Variants in CDH12 observed in about 807,000 individuals in gnomAD.
CDH12 encodes the protein cadherin-12.
CDH12 carries 41 observed loss-of-function variants against 74.1 expected under a neutral mutation model. The observed-to-expected ratio is 0.55, with a 90% CI of 0.43 to 0.72. CDH12 has a LOEUF of 0.72. CDH12 is among the 30% of genes least tolerant of loss of function. The probability of loss-of-function intolerance (pLI) is 0.00; values close to 1 mark genes in which losing one functional copy is unlikely to be tolerated. For missense variants in CDH12, 945 were observed against 977.2 expected (o/e 0.97, Z 0.44); for synonymous variants, 399 against 355.0 (o/e 1.12, Z -1.39).
intron 1 of CDH12, among the ~76,000 whole-genome samples, chr5:22,557,531 A>C (rs1194070634): frequency 6.6e-6 from 1 of 152,106 alleles, no homozygotes; most frequent in African/African-American, 2.4e-5. Context: ...AGGCGTGGGA[A>C]GAAAGGAAAA....
intron 2 of CDH12, among the ~76,000 whole-genome samples, chr5:22,469,657 T>C (rs1273281871): frequency 6.6e-6 from 1 of 152,194 alleles, no homozygotes; most frequent in Non-Finnish European, 1.5e-5. Flanking sequence ...CTTCAACCTG[T>C]AACAGGTTCA....
chr5:22,634,128 G>A (rs1186258564), intron 1 of CDH12, among the ~76,000 whole-genome samples: 3 of 151,900 alleles, frequency 2.0e-5, no homozygotes, highest in African/African-American at 7.3e-5. Flanking sequence ...GAATCAAAAT[G>A]ATATACTAGA....
At chr5:22,191,588 G>A (rs1376906339) in intron 4 of CDH12, among the ~76,000 whole-genome samples, 1 of 102,850 alleles carries the variant, frequency 9.7e-6, no homozygotes, top group African/African-American at 3.9e-5. Flanking sequence ...TTTTTGAGAC[G>A]GAGTCTCGCT....
intron 3 of CDH12, among the ~76,000 whole-genome samples, chr5:22,365,207 T>A: frequency 6.6e-6 from 1 of 152,180 alleles, no homozygotes; most frequent in East Asian, 1.9e-4. Flanking sequence ...ATGATGTGAA[T>A]CTTGCTTTTG....
chr5:22,445,109 C>T (rs150827414), intron 2 of CDH12, among the ~76,000 whole-genome samples: 46 of 152,112 alleles, frequency 3.0e-4, no homozygotes, highest in Admixed American at 1.0e-3. Context: ...GTATTTCATG[C>T]ACACACCCCA....
chr5:21,894,400 A>G, intron 6 of CDH12, among the ~76,000 whole-genome samples: 1 of 151,546 alleles, frequency 6.6e-6, no homozygotes, highest in East Asian at 1.9e-4. Flanking sequence ...AAAAAAAAAA[A>G]AAAAGAAAGC....
intron 4 of CDH12, among the ~76,000 whole-genome samples, chr5:22,195,857 C>A (rs1379904866): frequency 2.6e-5 from 4 of 152,118 alleles, no homozygotes; most frequent in African/African-American, 9.7e-5. Flanking sequence ...GTGAAAAACT[C>A]TTTTTTCCTA....
chr5:21,914,268 T>G (rs1197715581), intron 6 of CDH12, among the ~76,000 whole-genome samples: 1 of 152,148 alleles, frequency 6.6e-6, no homozygotes, highest in East Asian at 1.9e-4. Context: ...TGCAAAGCAC[T>G]GTGAGAGGAT....
chr5:22,689,737 T>TA (rs1362592302), intron 1 of CDH12, among the ~76,000 whole-genome samples: 5 of 152,114 alleles, frequency 3.3e-5, no homozygotes, highest in Admixed American at 6.5e-5. Flanking sequence ...TATTAAATTT[T>TA]AAAAAACTAT....
At chr5:22,267,077 C>A (rs1736156122) in intron 3 of CDH12, among the ~76,000 whole-genome samples, 1 of 152,092 alleles carries the variant, frequency 6.6e-6, no homozygotes, top group Non-Finnish European at 1.5e-5. Context: ...AAATGTTAAT[C>A]AATTTAACTC....
intron 1 of CDH12, among the ~76,000 whole-genome samples, chr5:22,792,861 C>T (rs992814345): frequency 1.3e-5 from 2 of 152,162 alleles, no homozygotes; most frequent in Admixed American, 1.3e-4. Context: ...TCACCATCAC[C>T]TATCAGATTT....
intron 1 of CDH12, among the ~76,000 whole-genome samples, chr5:22,564,106 C>T (rs1385242258): frequency 2.0e-5 from 3 of 152,114 alleles, no homozygotes; most frequent in African/African-American, 7.2e-5. Context: ...CCAACCACAC[C>T]GTTCTCTAGA....
Position 22,529,383 on chromosome 5 carries a change from A to C in CDH12, c.-522-24019T>G, listed in dbSNP as rs184339444. Reference sequence around the variant, plus strand: ...CTGAGAATTGGGAGAGAAATGATGCAGTCTCAGCCTAAATTCTGACAGGCT... The same window carrying C: ...CTGAGAATTGGGAGAGAAATGATGCCGTCTCAGCCTAAATTCTGACAGGCT... On this transcript the variant is annotated intron_variant, in intron 1 of 14. Coordinates refer to ENST00000382254, the MANE Select transcript of CDH12 (RefSeq NM_004061.5). 3.0e-4 allele frequency among the ~76,000 whole-genome samples: 45 copies of C among 152,048 alleles called. No homozygotes were observed. The East Asian group carries it at 3.1e-3, about 11-fold the overall frequency.
At chr5:22,125,832 T>C (rs1398021453) in intron 4 of CDH12, among the ~76,000 whole-genome samples, 1 of 152,210 alleles carries the variant, frequency 6.6e-6, no homozygotes, top group Non-Finnish European at 1.5e-5. Flanking sequence ...AAGCAAGATA[T>C]CTGATAGAAG....
At chr5:22,634,199 T>A (rs143183392) in intron 1 of CDH12, among the ~76,000 whole-genome samples, 1 of 152,148 alleles carries the variant, frequency 6.6e-6, no homozygotes, top group East Asian at 1.9e-4. Context: ...CATGAAAATA[T>A]AGACTATAGA....
intron 8 of CDH12, among the ~76,000 whole-genome samples, chr5:21,831,555 C>T (rs1251493309): frequency 6.6e-6 from 1 of 152,266 alleles, no homozygotes; most frequent in East Asian, 1.9e-4. Flanking sequence ...GCAGTTCCAG[C>T]AGCCAAATTC....
At chr5:22,406,572 A>T (rs1362848065) in intron 2 of CDH12, among the ~76,000 whole-genome samples, 1 of 152,200 alleles carries the variant, frequency 6.6e-6, no homozygotes, top group Non-Finnish European at 1.5e-5. Context: ...TTCCACCAGA[A>T]AGAAGAAAAG....
intron 5 of CDH12, among the ~76,000 whole-genome samples, chr5:22,033,036 C>CAA (rs11312264): frequency 4.0e-4 from 45 of 111,900 alleles, no homozygotes; most frequent in African/African-American, 1.2e-3. Flanking sequence ...ATCTTGCTTC[C>CAA]AAAAAAAAAA....
chr5:22,231,762 G>T (rs1752393415), intron 3 of CDH12, among the ~76,000 whole-genome samples: 2 of 151,760 alleles, frequency 1.3e-5, no homozygotes, highest in Admixed American at 1.3e-4. Flanking sequence ...TACCATATAT[G>T]AAAACAAAAC....
Sources: allele counts gnomAD v4.1 joint callset (sites outside exome capture counted in the v4.1 genomes callset), GRCh38; gene constraint gnomAD v4.1.1; transcripts MANE v1.5; gene names NCBI Gene and HGNC (gene_info 2026-07-23, HGNC 2026-07-21).